ZNF487: variants seen among roughly 807,000 people sequenced by gnomAD.
ZNF487 encodes zinc finger protein 487.
In ZNF487, 4 loss-of-function variants were observed where a neutral mutation model predicts 3.0. The ratio of observed to expected loss-of-function variants is 1.35; its 90% CI spans 0.66 to 3.08. ZNF487 has a LOEUF of 3.08. ZNF487 is among the 30% of genes most tolerant of loss of function. The pLI, the probability that ZNF487 is intolerant of heterozygous loss-of-function variation, is 0.01. For missense variants in ZNF487, 146 were observed against 98.7 expected (o/e 1.48, Z -2.03); for synonymous variants, 55 against 34.6 (o/e 1.59, Z -2.06).
At chr10:43,521,987 G>A in the ZNF487 span, among the ~76,000 whole-genome samples, 1 of 152,080 alleles carries the variant, frequency 6.6e-6, no homozygotes, top group African/African-American at 2.4e-5. Context: ...TTTATGATTT[G>A]ATGGCTATGA....
upstream of ZNF487, chr10:43,436,976 G>A (rs1282874750): frequency 2.3e-6 from 1 of 442,744 alleles, no homozygotes; most frequent in Middle Eastern, 4.0e-4. Flanking sequence ...GCTGGTAGCA[G>A]GGTGGGATGC....
At chr10:43,442,363 C>CTT (rs1325134997) in intron 1 of ZNF487, among the ~76,000 whole-genome samples, 1 of 152,028 alleles carries the variant, frequency 6.6e-6, no homozygotes, top group African/African-American at 2.4e-5. Flanking sequence ...GCACTGACGT[C>CTT]TTTATTCTAT....
chr10:43,464,186 T>C (rs1840556569), intron 1 of ZNF487, among the ~76,000 whole-genome samples: 1 of 150,498 alleles, frequency 6.6e-6, no homozygotes, highest in Non-Finnish European at 1.5e-5. Flanking sequence ...TTTTTTCTTT[T>C]TTTTTTTTTT....
intron 1 of ZNF487, among the ~76,000 whole-genome samples, chr10:43,466,480 G>A (rs1450217282): frequency 6.8e-6 from 1 of 147,664 alleles, no homozygotes; most frequent in Non-Finnish European, 1.5e-5. Flanking sequence ...TCAGCTCACT[G>A]CAACCTCCGC....
At chr10:43,475,592 A>G in intron 1 of ZNF487, 129 bp from the exon 2 acceptor site, 1 of 670,804 alleles carries the variant, frequency 1.5e-6, no homozygotes, top group Non-Finnish European at 2.8e-6. Context: ...TAATATCAAT[A>G]GTAGGCATCC....
intron 1 of ZNF487, among the ~76,000 whole-genome samples, chr10:43,440,469 C>G (rs1424031042): frequency 6.6e-6 from 1 of 151,978 alleles, no homozygotes; most frequent in African/African-American, 2.4e-5. Context: ...CCAGCCTGTT[C>G]AACATGGTAA....
At chr10:43,451,067 C>T (rs1015752421) in intron 1 of ZNF487, among the ~76,000 whole-genome samples, 2 of 151,896 alleles carry the variant, frequency 1.3e-5, no homozygotes, top group Non-Finnish European at 2.9e-5. Flanking sequence ...CTGCCCCAGC[C>T]TCCCTAATAG....
intron 1 of ZNF487, among the ~76,000 whole-genome samples, chr10:43,464,837 C>G (rs1435769385): frequency 6.6e-6 from 1 of 152,196 alleles, no homozygotes; most frequent in Non-Finnish European, 1.5e-5. Flanking sequence ...TTTTCTATTC[C>G]ACAAAACCGC....
the ZNF487 span, among the ~76,000 whole-genome samples, chr10:43,495,353 C>T: frequency 6.6e-6 from 1 of 152,040 alleles, no homozygotes; most frequent in African/African-American, 2.4e-5. Context: ...AAGCGATTCT[C>T]CCACCTCAGC....
intron 1 of ZNF487, among the ~76,000 whole-genome samples, chr10:43,470,661 AG>A (rs1357060935): frequency 1.3e-5 from 2 of 151,618 alleles, no homozygotes; most frequent in Non-Finnish European, 2.9e-5. Context: ...CTGGGATTAC[AG>A]GCGTGAGCCA....
At chr10:43,492,825 C>T in the ZNF487 span, among the ~76,000 whole-genome samples, 22,919 of 152,142 alleles carry the variant, frequency 0.15, 2,340 homozygotes, top group East Asian at 0.4. Flanking sequence ...ATTAATGGAT[C>T]TGTCATCTCA....
the ZNF487 span, among the ~76,000 whole-genome samples, chr10:43,493,709 A>AAAAAAAAAATAT: frequency 4.6e-5 from 2 of 43,720 alleles, no homozygotes; most frequent in African/African-American, 1.7e-4. Context: ...AAAAAAAAAA[A>AAAAAAAAAATAT]ATATATATAT....
chr10:43,441,582 A>G (rs1839612393), intron 1 of ZNF487, among the ~76,000 whole-genome samples: 1 of 146,930 alleles, frequency 6.8e-6, no homozygotes, highest in Admixed American at 6.9e-5. Context: ...TTGTAGAGAC[A>G]GGGTTTTGCC....
chr10:43,472,015 G>C (rs1005654778), intron 1 of ZNF487, among the ~76,000 whole-genome samples: 2 of 152,194 alleles, frequency 1.3e-5, no homozygotes, highest in African/African-American at 4.8e-5. Context: ...GCTTTAAACT[G>C]TCTTTGGCTT....
chr10:43,488,003 T>C (rs978383750), downstream of ZNF487, among the ~76,000 whole-genome samples: 9 of 149,750 alleles, frequency 6.0e-5, no homozygotes, highest in Non-Finnish European at 7.4e-5. Context: ...CTACTCAGGC[T>C]GAGGCAGGAG....
At chr10:43,490,074 C>T in the ZNF487 span, among the ~76,000 whole-genome samples, 13 of 152,222 alleles carry the variant, frequency 8.5e-5, no homozygotes, top group South Asian at 1.9e-3. Context: ...TTGAGGCCGG[C>T]GTGGTGGCTC....
chr10:43,493,710 ATATATATATAT>A, the ZNF487 span, among the ~76,000 whole-genome samples: 224 of 24,846 alleles, frequency 9.0e-3, 8 homozygotes, highest in South Asian at 0.024. Flanking sequence ...AAAAAAAAAA[ATATATATATAT>A]ATATATATAT....
the ZNF487 span, among the ~76,000 whole-genome samples, chr10:43,513,278 T>C: frequency 0.73 from 111,611 of 152,220 alleles, 42,060 homozygotes; most frequent in East Asian, 0.93. Context: ...CAAATTGCTT[T>C]TGGTGGGCCT....
rs527277978 is a variant in ZNF487 at position 43,475,821 on chromosome 10, A to G, written c.8A>G (p.Glu3Gly). Reference sequence around the variant, plus strand: ...ACCCCGTACAGAGACATGATGCTGGAGAACTACAGCCTCCTCCTCTCAGTG... The same window carrying G: ...ACCCCGTACAGAGACATGATGCTGGGGAACTACAGCCTCCTCCTCTCAGTG... ML[E>G]NYSLLLSVGY... The change falls in exon 2 of 4, where the codon GAG becomes GGG. Residue 3 changes from glutamate to glycine, a missense_variant. By Grantham distance (98) the Glu-to-Gly change is moderately conservative. Transcript: ENST00000437590. 48 of 780,048 alleles carry G rather than the reference A, an allele frequency of 6.2e-5. No homozygotes were observed. Among genetic ancestry groups the G allele is most frequent in the Admixed American group, 6.1e-4 (36 of 58,694 alleles). The allele number at this position is 780,048 out of a possible 1,614,324, so 48.3% of individuals were successfully genotyped here.
Sources: allele counts gnomAD v4.1 joint callset (sites outside exome capture counted in the v4.1 genomes callset), GRCh38; gene constraint gnomAD v4.1.1; transcripts MANE v1.5; gene names NCBI Gene and HGNC (gene_info 2026-07-23, HGNC 2026-07-21).